The following GADL1 variants were observed in gnomAD, a reference collection of about 807,000 sequenced individuals.
The protein encoded by GADL1 is GAD like acidic amino acid decarboxylase 1, also known as acidic amino acid decarboxylase GADL1.
Under a neutral mutation model 69.5 loss-of-function variants are expected in GADL1, and 71 were observed. The ratio of observed to expected loss-of-function variants is 1.02; its 90% confidence interval spans 0.84 to 1.25. The LOEUF (loss-of-function observed/expected upper bound fraction) is 1.25, where lower values mean the gene tolerates loss of function less well. GADL1 is among the 50% of genes most tolerant of loss of function. The pLI, the probability that GADL1 is intolerant of heterozygous loss-of-function variation, is 0.00. For missense variants in GADL1, 737 were observed against 631.8 expected (o/e 1.17, Z -1.79); for synonymous variants, 254 against 214.4 (o/e 1.18, Z -1.62).
At chr3:30,786,135 T>C (rs1185557869) in intron 13 of GADL1, among the ~76,000 whole-genome samples, 1 of 152,220 alleles carries the variant, frequency 6.6e-6, no homozygotes, top group Non-Finnish European at 1.5e-5. Flanking sequence ...TATTGAGCAT[T>C]TTAATTTTCA....
chr3:30,761,562 C>T (rs531532052), intron 14 of GADL1, among the ~76,000 whole-genome samples: 2 of 152,210 alleles, frequency 1.3e-5, no homozygotes, highest in East Asian at 3.9e-4. Flanking sequence ...AGCTTCCTTC[C>T]CTGAATCTGA....
At position 30,728,192 on chromosome 3, in the gene GADL1, C is replaced by T. The variant is rs746962890; in HGVS notation, c.*50G>A. ...TGTGTATCTCCAAGATGTTCTGGAT[C>T]TAAACTCTCCCAGGATAGGATCTAT... is the stretch of plus-strand genomic sequence containing the variant. On this transcript the variant is annotated 3_prime_UTR_variant, in exon 15 of 15. Transcript: ENST00000282538. 6.6e-7 allele frequency: 1 copy of T among 1,511,284 alleles called. No homozygotes were observed. Among genetic ancestry groups the T allele is most frequent in the Non-Finnish European group, 9.2e-7 (1 of 1,089,614 alleles). The allele number at this position is 1,511,284 out of a possible 1,614,324, so 93.6% of individuals were successfully genotyped here. A position where few individuals can be genotyped will look rare whatever the true frequency, so the allele number is the denominator to read the frequency against.
At chr3:30,879,370 C>T (rs1486215927) in intron 1 of GADL1, among the ~76,000 whole-genome samples, 1 of 151,894 alleles carries the variant, frequency 6.6e-6, no homozygotes, top group African/African-American at 2.4e-5. Context: ...ACCAAGGGTA[C>T]TCAATTAATC....
At position 30,834,231 on chromosome 3, in the gene GADL1, C is replaced by A; in HGVS notation, c.954G>T (p.Leu318=). ...ALMSRKHRKL[L]HGIHRADSVA... is the part of the protein sequence containing the mutation. ...ACTACATTTACCTGTGGATGCCATG[C>A]AGAAGCTTGCGGTGCTTCCTCGACA... Residue 318 remains leucine (L), a synonymous_variant, in exon 10 of 15, where the codon CTG becomes CTT. Coordinates refer to ENST00000282538, the MANE Select transcript of GADL1 (RefSeq NM_207359.3). 1.2e-6 allele frequency: 2 copies of A among 1,612,866 alleles called. No homozygotes were observed. The highest frequency in any genetic ancestry group is 2.2e-5 in the East Asian group (1 of 44,806).
chr3:30,863,027 T>TCACACACACACA (rs397875196), intron 1 of GADL1, among the ~76,000 whole-genome samples: 112 of 110,216 alleles, frequency 1.0e-3, no homozygotes, highest in African/African-American at 3.0e-3. Flanking sequence ...CATGTCTGTT[T>TCACACACACACA]CACACACACA....
intron 1 of GADL1, among the ~76,000 whole-genome samples, chr3:30,881,583 G>C (rs1302973748): frequency 6.6e-6 from 1 of 151,764 alleles, no homozygotes; most frequent in Non-Finnish European, 1.5e-5. Context: ...AAAGATATAA[G>C]AACTCAAGAA....
At chr3:30,781,610 C>CA (rs1006907421) in intron 13 of GADL1, among the ~76,000 whole-genome samples, 8 of 152,202 alleles carry the variant, frequency 5.3e-5, no homozygotes, top group Non-Finnish European at 1.0e-4. Flanking sequence ...CACTGGATAG[C>CA]AAAAAAGCCT....
chr3:30,729,514 A>G (rs1695423066), intron 14 of GADL1, among the ~76,000 whole-genome samples: 1 of 152,164 alleles, frequency 6.6e-6, no homozygotes, highest in Non-Finnish European at 1.5e-5. Context: ...CACCAGGCAG[A>G]GTGTGCTTTT....
At chr3:30,880,541 T>C (rs1698629698) in intron 1 of GADL1, among the ~76,000 whole-genome samples, 1 of 151,978 alleles carries the variant, frequency 6.6e-6, no homozygotes. Context: ...CTTCTTTGCC[T>C]ATGCCATGAT....
intron 8 of GADL1, among the ~76,000 whole-genome samples, chr3:30,843,003 C>A (rs1697993506): frequency 6.6e-6 from 1 of 151,536 alleles, no homozygotes; most frequent in African/African-American, 2.4e-5. Context: ...AATATTCAAA[C>A]TTAAAAACAT....
intron 13 of GADL1, chr3:30,778,566 C>G (rs908778689): frequency 1.2e-4 from 28 of 237,718 alleles, no homozygotes. Context: ...TTAGTGCCTG[C>G]TTACATACAT....
intron 13 of GADL1, 62 bp downstream of exon 13, chr3:30,786,293 A>AGGTGGT: frequency 9.9e-7 from 1 of 1,011,872 alleles, no homozygotes; most frequent in Admixed American, 1.8e-5. Context: ...ACAGATAAGA[A>AGGTGGT]AATTACCACC....
At chr3:30,833,472 C>T (rs1393979046) in intron 11 of GADL1, among the ~76,000 whole-genome samples, 1 of 151,964 alleles carries the variant, frequency 6.6e-6, no homozygotes, top group Non-Finnish European at 1.5e-5. Flanking sequence ...ATGTATGACA[C>T]ACATCTGTTC....
At chr3:30,758,815 TA>T (rs1456097136) in intron 14 of GADL1, among the ~76,000 whole-genome samples, 1 of 152,216 alleles carries the variant, frequency 6.6e-6, no homozygotes, top group African/African-American at 2.4e-5. Flanking sequence ...TCCTTGCCAT[TA>T]GGCAGCACTT....
At position 30,728,167 on chromosome 3, in the gene GADL1, T is replaced by C. The variant is rs1190204153; in HGVS notation, c.*75A>G. 4 of 1,315,474 alleles carry C rather than the reference T, an allele frequency of 3.0e-6. No homozygotes were observed. The African/African-American group carries it at 4.4e-5, about 14-fold the overall frequency. The allele number at this position is 1,315,474 out of a possible 1,614,324, so 81.5% of individuals were successfully genotyped here. A position where few individuals can be genotyped will look rare whatever the true frequency, so the allele number is the denominator to read the frequency against. On this transcript the variant is annotated 3_prime_UTR_variant, in exon 15 of 15. Coordinates refer to ENST00000282538, the MANE Select transcript of GADL1 (RefSeq NM_207359.3). ...TCTCATCAGAAGGGCTGCAATCTAC[T>C]GTGTATCTCCAAGATGTTCTGGATC... is the stretch of plus-strand genomic sequence containing the variant.
intron 11 of GADL1, among the ~76,000 whole-genome samples, chr3:30,829,320 C>A (rs1290255144): frequency 6.6e-6 from 1 of 151,876 alleles, no homozygotes; most frequent in East Asian, 1.9e-4. Context: ...TATTTACTAA[C>A]ACAGGAAATT....
chr3:30,874,048 G>T (rs1575244150), intron 1 of GADL1, among the ~76,000 whole-genome samples: 1 of 151,930 alleles, frequency 6.6e-6, no homozygotes, highest in Admixed American at 6.6e-5. Flanking sequence ...CTGCCTTCTA[G>T]GGAGGGAGGA....
chr3:30,866,662 C>T (rs779835548), intron 1 of GADL1, among the ~76,000 whole-genome samples: 44 of 151,734 alleles, frequency 2.9e-4, no homozygotes, highest in Non-Finnish European at 5.6e-4. Context: ...GTGAGAAGAG[C>T]AGAGCTTCCT....
chr3:30,769,594 C>G (rs899035939), intron 14 of GADL1, among the ~76,000 whole-genome samples: 3 of 152,110 alleles, frequency 2.0e-5, no homozygotes, highest in South Asian at 4.1e-4. Flanking sequence ...TAGACATCTT[C>G]AGAACACACA....
Sources: gnomAD v4.1 joint callset for allele counts (sites outside exome capture counted in the v4.1 genomes callset) on GRCh38, gnomAD v4.1.1 for gene constraint, MANE v1.5 for transcripts, NCBI Gene and HGNC (gene_info 2026-07-23, HGNC 2026-07-21) for gene names.